Variants in NFIB observed in about 807,000 individuals in gnomAD.
NFIB encodes the protein nuclear factor I B.
Under a neutral mutation model 61.5 loss-of-function variants are expected in NFIB, and 11 were observed. The ratio of observed to expected loss-of-function variants is 0.18; its 90% CI spans 0.11 to 0.30. The LOEUF (loss-of-function observed/expected upper bound fraction) is 0.30. Ranked by LOEUF, NFIB falls within the 10% of genes least tolerant of loss-of-function variation. The pLI, the probability that NFIB is intolerant of heterozygous loss-of-function variation, is 1.00. For missense variants in NFIB, 471 were observed against 608.9 expected, an observed-to-expected ratio of 0.77 and a Z score of 2.38; for synonymous variants, 260 against 216.5, an observed-to-expected ratio of 1.20 and a Z score of -1.76.
chr9:14,244,243 T>C (rs188678175), intron 2 of NFIB, among the ~76,000 whole-genome samples: 92 of 152,322 alleles, frequency 6.0e-4, no homozygotes, highest in Non-Finnish European at 1.2e-3. Flanking sequence ...CTCTCTATTA[T>C]ATAAAAATTC....
chr9:14,155,957 A>G (rs879084901), intron 3 of NFIB, 64 bp from the exon 4 acceptor site: 1 of 1,004,102 alleles, frequency 1.0e-6, no homozygotes. Flanking sequence ...ATGATTATAC[A>G]CTAGAATTTA....
At chr9:14,522,203 C>G in the NFIB span, among the ~76,000 whole-genome samples, 1 of 152,142 alleles carries the variant, frequency 6.6e-6, no homozygotes, top group African/African-American at 2.4e-5. Context: ...TACATCTGTG[C>G]GAAGGTCCCA....
rs117114674 is a variant in NFIB, at chr9:14,379,205, A to G, written c.108+19319T>C. 4.0e-3 allele frequency among the ~76,000 whole-genome samples: 604 copies of G among 152,348 alleles called. 3 individuals are homozygous for G. Among genetic ancestry groups the G allele is most frequent in the Middle Eastern group, 6.8e-3 (2 of 294 alleles). Reference sequence around the variant, plus strand: ...CTTCATGACTCTGTTTCTAATACCAAACAATGAATGACAATTGTTTGCTGA... The same window carrying G: ...CTTCATGACTCTGTTTCTAATACCAGACAATGAATGACAATTGTTTGCTGA... On this transcript the variant is annotated intron_variant, in intron 1 of 8. Transcript: ENST00000380934.
chr9:14,289,060 T>C (rs1303455604), intron 2 of NFIB, among the ~76,000 whole-genome samples: 1 of 149,796 alleles, frequency 6.7e-6, no homozygotes, highest in East Asian at 2.0e-4. Context: ...CCTTTTTTAT[T>C]AGTCATTAGA....
At chr9:14,527,672 T>C in the NFIB span, among the ~76,000 whole-genome samples, 1 of 152,180 alleles carries the variant, frequency 6.6e-6, no homozygotes, top group Non-Finnish European at 1.5e-5. Context: ...CAGGTATTTG[T>C]CAACTGAAAC....
intron 2 of NFIB, among the ~76,000 whole-genome samples, chr9:14,256,273 T>C (rs1035991801): frequency 6.6e-6 from 1 of 152,228 alleles, no homozygotes; most frequent in Non-Finnish European, 1.5e-5. Flanking sequence ...CTCAGTTTCA[T>C]CTTTCATTCC....
At chr9:14,186,604 C>G (rs2047357307) in intron 2 of NFIB, among the ~76,000 whole-genome samples, 1 of 151,396 alleles carries the variant, frequency 6.6e-6, no homozygotes, top group Non-Finnish European at 1.5e-5. Flanking sequence ...TAATGGAGAG[C>G]AAACTATTCT....
intron 2 of NFIB, among the ~76,000 whole-genome samples, chr9:14,284,331 G>A (rs1236208350): frequency 6.6e-6 from 1 of 152,236 alleles, no homozygotes; most frequent in South Asian, 2.1e-4. Context: ...AAGAGAAAGG[G>A]AAGTCATTTC....
At chr9:14,275,622 T>C (rs1218531749) in intron 2 of NFIB, among the ~76,000 whole-genome samples, 1 of 152,144 alleles carries the variant, frequency 6.6e-6, no homozygotes, top group East Asian at 1.9e-4. Context: ...GGCATCTTAA[T>C]TTCCTAGTTG....
intron 1 of NFIB, among the ~76,000 whole-genome samples, chr9:14,363,459 C>A (rs2061263402): frequency 6.6e-6 from 1 of 152,106 alleles, no homozygotes; most frequent in South Asian, 2.1e-4. Flanking sequence ...CGATGTCAAC[C>A]AAGTTTTTGT....
intron 2 of NFIB, chr9:14,204,203 A>G (rs1038198252): frequency 1.5e-5 from 8 of 536,680 alleles, no homozygotes; most frequent in African/African-American, 5.7e-5. Context: ...ACAGGCCTCA[A>G]AATTTGAGGA....
intron 6 of NFIB, among the ~76,000 whole-genome samples, chr9:14,142,749 T>C (rs556051402): frequency 3.3e-5 from 5 of 152,316 alleles, no homozygotes; most frequent in Non-Finnish European, 7.4e-5. Context: ...AATCTGGTTC[T>C]ATTCATTAAT....
chr9:14,510,281 G>C, the NFIB span, among the ~76,000 whole-genome samples: 1 of 152,186 alleles, frequency 6.6e-6, no homozygotes, highest in East Asian at 1.9e-4. Flanking sequence ...AACTCTGATA[G>C]AGAAAAAGCA....
At chr9:14,186,222 G>A (rs2047320219) in intron 2 of NFIB, among the ~76,000 whole-genome samples, 1 of 152,172 alleles carries the variant, frequency 6.6e-6, no homozygotes, top group Non-Finnish European at 1.5e-5. Context: ...GATATCAGAG[G>A]AGTAAATGAA....
intron 1 of NFIB, among the ~76,000 whole-genome samples, chr9:14,385,040 G>A (rs2061532923): frequency 6.6e-6 from 1 of 152,162 alleles, no homozygotes; most frequent in Non-Finnish European, 1.5e-5. Flanking sequence ...CAAATATGAG[G>A]CATTCGCTCC....
chr9:14,496,850 T>A, the NFIB span, among the ~76,000 whole-genome samples: 1 of 152,218 alleles, frequency 6.6e-6, no homozygotes, highest in Non-Finnish European at 1.5e-5. Context: ...TGCATTTTCA[T>A]TTGTTTTCTG....
At chr9:14,499,442 G>T in the NFIB span, among the ~76,000 whole-genome samples, 1 of 152,128 alleles carries the variant, frequency 6.6e-6, no homozygotes, top group Admixed American at 6.5e-5. Flanking sequence ...CTTGAATGGG[G>T]TGTTTAGCTT....
intron 7 of NFIB, among the ~76,000 whole-genome samples, chr9:14,122,354 G>C (rs1040611880): frequency 1.3e-5 from 2 of 152,176 alleles, no homozygotes; most frequent in East Asian, 3.9e-4. Flanking sequence ...TCTCTGTATT[G>C]TTCTTACAAT....
chr9:14,223,505 G>T (rs2051969702), intron 2 of NFIB, among the ~76,000 whole-genome samples: 1 of 151,672 alleles, frequency 6.6e-6, no homozygotes, highest in Non-Finnish European at 1.5e-5. Context: ...TTTTTTTTAG[G>T]GCATTTGTCT....
Sources: gnomAD v4.1 joint callset for allele counts (sites outside exome capture counted in the v4.1 genomes callset) on GRCh38, gnomAD v4.1.1 for gene constraint, MANE v1.5 for transcripts, NCBI Gene and HGNC (gene_info 2026-07-23, HGNC 2026-07-21) for gene names.